Variants in ADAM19 observed in about 807,000 individuals in gnomAD.
The protein encoded by ADAM19 is ADAM metallopeptidase domain 19, also known as disintegrin and metalloproteinase domain-containing protein 19.
Under a neutral mutation model 114.7 loss-of-function variants are expected in ADAM19, and 65 were observed. The ratio of observed to expected loss-of-function variants is 0.57; its 90% CI spans 0.46 to 0.70. ADAM19 has a LOEUF of 0.70. Among genes scored for constraint, ADAM19 ranks in the 30% least tolerant of loss-of-function variants. The pLI is 0.00. For missense variants in ADAM19, 1,063 were observed against 1,204.7 expected, an observed-to-expected ratio of 0.88 and a Z score of 1.74; for synonymous variants, 466 against 460.5, an observed-to-expected ratio of 1.01 and a Z score of -0.15.
intron 3 of ADAM19, among the ~76,000 whole-genome samples, chr5:157,559,934 C>T (rs1256800399): frequency 6.6e-6 from 1 of 152,128 alleles, no homozygotes; most frequent in African/African-American, 2.4e-5. Flanking sequence ...GAGGCAGAGA[C>T]TTCTTTTGCA....
Position 157,516,554 on chromosome 5 carries a change from G to A in ADAM19, c.666+2269C>T, listed in dbSNP as rs534002272. Among the ~76,000 whole-genome samples, 5 of 152,294 alleles carry A rather than the reference G, an allele frequency of 3.3e-5. No individual in the cohort carries two copies. The South Asian group carries it at 1.0e-3, about 32-fold the overall frequency. Reference sequence around the variant, plus strand: ...AAAGCCTGCACAGAGATTCCTCTGAGAACAATGCAAGGCCAAAGGGGAGAA... The same window carrying A: ...AAAGCCTGCACAGAGATTCCTCTGAAAACAATGCAAGGCCAAAGGGGAGAA... On this transcript the variant is annotated intron_variant, in intron 7 of 22. Transcript: ENST00000257527.
chr5:157,551,401 C>A (rs930778315), intron 3 of ADAM19, among the ~76,000 whole-genome samples: 3 of 116,904 alleles, frequency 2.6e-5, no homozygotes, highest in Non-Finnish European at 5.2e-5. Context: ...ATGATTCTGT[C>A]CCCCCAACCC....
Position 157,494,824 on chromosome 5 carries a change from T to C in ADAM19, c.1595-29A>G, listed in dbSNP as rs536016962. 1.2e-4 allele frequency: 198 copies of C among 1,586,290 alleles called. 2 individuals are homozygous for C. In the South Asian group the frequency reaches 2.1e-3, roughly 16 times the overall value. On this transcript the variant is annotated intron_variant, in intron 14 of 22. Transcript: ENST00000257527. ...GGTGGGCAAGCAACATCTATCAGTA[T>C]ACTCATCTGTCAGAAGCCCCCAAGG...
intron 18 of ADAM19, 88 bp from the exon 19 acceptor site, chr5:157,490,542 G>C: frequency 6.9e-7 from 1 of 1,453,656 alleles, no homozygotes; most frequent in South Asian, 1.2e-5. Context: ...TCTTCTTCAG[G>C]CATTTGATTT....
intron 5 of ADAM19, among the ~76,000 whole-genome samples, chr5:157,528,250 A>G (rs1346512831): frequency 6.6e-6 from 1 of 152,184 alleles, no homozygotes; most frequent in Non-Finnish European, 1.5e-5. Flanking sequence ...CTGGGAAAGT[A>G]AGGCAGGTGG....
intron 18 of ADAM19, 24 bp downstream of exon 18, chr5:157,491,591 T>C: frequency 1.4e-6 from 2 of 1,448,688 alleles, no homozygotes; most frequent in Non-Finnish European, 1.8e-6. Flanking sequence ...AAGCGGGCAG[T>C]GGCCCCAGCA....
At chr5:157,547,488 T>C (rs983899677) in intron 3 of ADAM19, among the ~76,000 whole-genome samples, 15 of 152,238 alleles carry the variant, frequency 9.9e-5, no homozygotes, top group African/African-American at 3.4e-4. Flanking sequence ...CTTTTTTTCA[T>C]GTGCTATCTT....
At chr5:157,532,042 C>T (rs1245990248) in intron 4 of ADAM19, among the ~76,000 whole-genome samples, 1 of 152,204 alleles carries the variant, frequency 6.6e-6, no homozygotes, top group Non-Finnish European at 1.5e-5. Flanking sequence ...AACAAACACT[C>T]CCTACTCTTC....
Position 157,493,102 on chromosome 5 carries a change from G to A in ADAM19, c.1779C>T (p.Asp593=), listed in dbSNP as rs1376342160. ...RPLESNAVPI[D]TTIIMNGRQI... ...GCCTCCCATTCATGATGATAGTGGT[G>A]TCAATGGGCACCGCGTTGGACTCCA... Residue 593 remains aspartate (D), a synonymous_variant, in exon 16 of 23, where the codon GAC becomes GAT. Transcript: ENST00000257527. 2 of 1,614,234 alleles carry A rather than the reference G, an allele frequency of 1.2e-6. No individual in the cohort carries two copies. Among genetic ancestry groups the A allele is most frequent in the Admixed American group, 1.7e-5 (1 of 60,024 alleles).
chr5:157,538,864 T>A (rs1756839092), intron 3 of ADAM19, among the ~76,000 whole-genome samples: 1 of 152,132 alleles, frequency 6.6e-6, no homozygotes, highest in Non-Finnish European at 1.5e-5. Flanking sequence ...GCAGAATTGA[T>A]CTACAGAAAG....
At chr5:157,520,071 G>C (rs1756233748) in intron 5 of ADAM19, 40 bp from the exon 6 acceptor site, 1 of 1,568,976 alleles carries the variant, frequency 6.4e-7, no homozygotes, top group Non-Finnish European at 8.7e-7. Context: ...CAAAGATTAT[G>C]GTTCTGAAAA....
Position 157,478,626 on chromosome 5 carries a change from T to G in ADAM19, c.*2323A>C. Reference sequence around the variant, plus strand: ...GATGCATAATGGCCAGTCTTCCTCCTGGGCAGCCTCCCTGAACAGAGCCAG... The same window carrying G: ...GATGCATAATGGCCAGTCTTCCTCCGGGGCAGCCTCCCTGAACAGAGCCAG... On this transcript the variant is annotated 3_prime_UTR_variant, in exon 23 of 23. Coordinates refer to ENST00000257527, the MANE Select transcript of ADAM19 (RefSeq NM_033274.5). The G allele has an allele frequency of 4.3e-5, 42 of 985,860 alleles. No homozygotes were observed. Among genetic ancestry groups the G allele is most frequent in the Non-Finnish European group, 5.1e-5 (42 of 829,936 alleles). The allele number at this position is 985,860 out of a possible 1,614,324, so 61.1% of individuals were successfully genotyped here.
At chr5:157,520,108 C>T in intron 5 of ADAM19, 77 bp from the exon 6 acceptor site, 2 of 1,398,174 alleles carry the variant, frequency 1.4e-6, no homozygotes, top group East Asian at 2.3e-5. Flanking sequence ...CTTAGTTTCT[C>T]CATATGCAAA....
In ADAM19 at chr5:157,479,590, GCAGACCCCCT is replaced by G. The variant is rs1754686957; in HGVS notation, c.*1349_*1358del. The G allele has an allele frequency of 1.0e-6, 1 of 985,738 alleles. No homozygotes were observed. The highest frequency in any genetic ancestry group is 6.1e-5 in the Admixed American group (1 of 16,266). The allele number at this position is 985,738 out of a possible 1,614,324, so 61.1% of individuals were successfully genotyped here. A position where few individuals can be genotyped will look rare whatever the true frequency, so the allele number is the denominator to read the frequency against. The stretch of plus-strand genomic sequence containing the variant: ...TGCTGCAGGGAAGACAGGAGCCACC[GCAGACCCCCT>G]CACCTGCTCAGAGCTCTCTTTCTGT... On this transcript the variant is annotated 3_prime_UTR_variant, in exon 23 of 23. Transcript: ENST00000257527.
At chr5:157,549,210 C>T (rs1030861427) in intron 3 of ADAM19, among the ~76,000 whole-genome samples, 1 of 152,168 alleles carries the variant, frequency 6.6e-6, no homozygotes, top group African/African-American at 2.4e-5. Flanking sequence ...CACCTACTTC[C>T]CTGACCACAT....
chr5:157,502,944 C>T lies in ADAM19; in HGVS notation c.1167G>A (p.Arg389=). ...PFPKVFNGCN[R]RELDRYLQSG... ...ACTGCAGATACCTGTCCAGCTCCCT[C>T]CTGTTGCATCCATTGAACACTTTGG... Residue 389 remains arginine, a synonymous_variant, in exon 12 of 23, where the codon AGG becomes AGA. Coordinates refer to ENST00000257527, the MANE Select transcript of ADAM19 (RefSeq NM_033274.5). 1 of 1,614,184 alleles carries T rather than the reference C, an allele frequency of 6.2e-7. No individual in the cohort carries two copies. The highest frequency in any genetic ancestry group is 8.5e-7 in the Non-Finnish European group (1 of 1,180,024).
In ADAM19 at chr5:157,494,692, G is replaced by A. The variant is rs753199944; in HGVS notation, c.1698C>T (p.Asn566=). Residue 566 remains asparagine (N), a synonymous_variant, in exon 15 of 23, where the codon AAC becomes AAT. Coordinates refer to ENST00000257527, the MANE Select transcript of ADAM19 (RefSeq NM_033274.5). ...KDMNGEHRKC[N]MRDAKCGKIQ... is the part of the protein sequence containing the mutation. Reference sequence around the variant, plus strand: ...GCCTGCCCTTTGGTCATCACCTCATGTTGCACTTCCTGTGTTCACCATTCA... The same window carrying A: ...GCCTGCCCTTTGGTCATCACCTCATATTGCACTTCCTGTGTTCACCATTCA... The A allele has an allele frequency of 4.3e-6, 7 of 1,613,048 alleles. No homozygotes were observed. The South Asian group carries it at 7.7e-5, about 18-fold the overall frequency.
intron 5 of ADAM19, among the ~76,000 whole-genome samples, chr5:157,530,122 C>T (rs1281779131): frequency 1.3e-5 from 2 of 152,214 alleles, no homozygotes; most frequent in Non-Finnish European, 2.9e-5. Context: ...ACTGCCCCTT[C>T]CAGGATTAGC....
chr5:157,505,063 G>A (rs1254258307), intron 11 of ADAM19, among the ~76,000 whole-genome samples: 2 of 150,030 alleles, frequency 1.3e-5, no homozygotes, highest in African/African-American at 2.5e-5. Context: ...AGCTTGCAGT[G>A]AGCGGAGATC....
Sources: allele counts gnomAD v4.1 joint callset (sites outside exome capture counted in the v4.1 genomes callset), GRCh38; gene constraint gnomAD v4.1.1; transcripts MANE v1.5; gene names NCBI Gene and HGNC (gene_info 2026-07-23, HGNC 2026-07-21).